The following EYS variants were observed in gnomAD, a reference collection of about 807,000 sequenced individuals.
EYS encodes protein eyes shut homolog.
Under a neutral mutation model 282.1 loss-of-function variants are expected in EYS, and 250 were observed. The observed-to-expected ratio is 0.89, with a 90% CI of 0.80 to 0.98. The LOEUF (loss-of-function observed/expected upper bound fraction) is 0.98, where lower values mean the gene tolerates loss of function less well. Ranked by LOEUF, EYS falls within the 50% of genes least tolerant of loss-of-function variation. The probability of loss-of-function intolerance (pLI) is 0.00; values close to 1 mark genes in which losing one functional copy is unlikely to be tolerated. For synonymous variants in EYS, 1,355 were observed against 1,282.9 expected (o/e 1.06, Z -1.20); for missense variants, 4,016 against 3,709.0 (o/e 1.08, Z -2.15).
At chr6:64,682,084 AT>A (rs1769919544) in intron 22 of EYS, among the ~76,000 whole-genome samples, 1 of 152,182 alleles carries the variant, frequency 6.6e-6, no homozygotes, top group Non-Finnish European at 1.5e-5. Flanking sequence ...GTGGGGCTAT[AT>A]TGCATTCTAC....
At chr6:64,263,298 C>G (rs1767649587) in intron 30 of EYS, among the ~76,000 whole-genome samples, 1 of 152,014 alleles carries the variant, frequency 6.6e-6, no homozygotes, top group Admixed American at 6.6e-5. Flanking sequence ...TAGCTTTCTT[C>G]AGTAAATCCA....
chr6:65,310,271 G>A (rs1250472920), intron 11 of EYS, among the ~76,000 whole-genome samples: 2 of 151,986 alleles, frequency 1.3e-5, no homozygotes, highest in Non-Finnish European at 2.9e-5. Context: ...TTGAACCCAG[G>A]AGGCAGAGGT....
chr6:65,364,927 G>A (rs931398613), intron 8 of EYS, among the ~76,000 whole-genome samples: 2 of 151,804 alleles, frequency 1.3e-5, no homozygotes, highest in South Asian at 4.1e-4. Flanking sequence ...GTGATAGTGT[G>A]TGTCAAACAT....
chr6:65,689,128 C>T (rs111841196), intron 1 of EYS, among the ~76,000 whole-genome samples: 34,241 of 149,706 alleles, frequency 0.23, 5,482 homozygotes, highest in African/African-American at 0.38. Flanking sequence ...CCAACCCAAA[C>T]GTCCAACAAT....
chr6:64,915,428 C>T (rs188338560), intron 15 of EYS, among the ~76,000 whole-genome samples: 4 of 152,184 alleles, frequency 2.6e-5, no homozygotes, highest in Middle Eastern at 6.8e-3. Flanking sequence ...AGTGTTGAAA[C>T]AGATCAACTT....
chr6:65,606,200 TA>T (rs968215116), intron 2 of EYS, among the ~76,000 whole-genome samples: 31 of 149,742 alleles, frequency 2.1e-4, no homozygotes, highest in African/African-American at 7.4e-4. Flanking sequence ...TTACAACCAG[TA>T]TTCAAAAATA....
At chr6:65,672,038 C>T (rs1338463922) in intron 1 of EYS, among the ~76,000 whole-genome samples, 2 of 152,086 alleles carry the variant, frequency 1.3e-5, no homozygotes, top group South Asian at 2.1e-4. Flanking sequence ...ACTTGGCATA[C>T]TGACAGGAAT....
intron 30 of EYS, among the ~76,000 whole-genome samples, chr6:64,235,616 G>A (rs1351974396): frequency 6.6e-6 from 1 of 152,068 alleles, no homozygotes; most frequent in Middle Eastern, 3.2e-3. Context: ...GTAATGGGAT[G>A]GCTGGGTCAA....
chr6:64,154,413 C>T (rs1318972654), intron 31 of EYS, among the ~76,000 whole-genome samples: 4 of 127,760 alleles, frequency 3.1e-5, no homozygotes. Flanking sequence ...GTACTCCAGT[C>T]TGGGCAATAA....
intron 19 of EYS, among the ~76,000 whole-genome samples, chr6:64,837,392 T>C (rs2150032293): frequency 6.6e-6 from 1 of 151,358 alleles, no homozygotes; most frequent in South Asian, 2.1e-4. Flanking sequence ...GGGGGAAAAT[T>C]GAAATCTTTT....
At chr6:65,412,267 T>C (rs914282888) in intron 5 of EYS, among the ~76,000 whole-genome samples, 4 of 152,168 alleles carry the variant, frequency 2.6e-5, no homozygotes, top group Non-Finnish European at 5.9e-5. Flanking sequence ...TAATTTGTTA[T>C]AGTAGCCTAA....
chr6:65,400,646 A>C (rs535740524), intron 7 of EYS, among the ~76,000 whole-genome samples: 41 of 152,064 alleles, frequency 2.7e-4, no homozygotes, highest in African/African-American at 8.4e-4. Flanking sequence ...ACCAAATAAA[A>C]ATTTCCATAA....
intron 2 of EYS, among the ~76,000 whole-genome samples, chr6:65,496,546 T>C (rs1766264829): frequency 6.6e-6 from 1 of 152,082 alleles, no homozygotes; most frequent in Non-Finnish European, 1.5e-5. Flanking sequence ...AGTTATGTTA[T>C]TCATTTGTTT....
chr6:65,280,863 A>ATAT (rs796107628), intron 12 of EYS, among the ~76,000 whole-genome samples: 126 of 134,876 alleles, frequency 9.3e-4, no homozygotes, highest in Middle Eastern at 7.7e-3. Context: ...ACTAAAAAAA[A>ATAT]AAATATATAT....
At chr6:64,737,411 A>G (rs1288766585) in intron 22 of EYS, among the ~76,000 whole-genome samples, 1 of 152,242 alleles carries the variant, frequency 6.6e-6, no homozygotes, top group Non-Finnish European at 1.5e-5. Context: ...CCACGCTTTA[A>G]CCTGGTAGAG....
intron 26 of EYS, among the ~76,000 whole-genome samples, chr6:64,442,960 T>A (rs905221367): frequency 6.6e-6 from 1 of 150,656 alleles, no homozygotes; most frequent in Non-Finnish European, 1.5e-5. Context: ...CTAGTGGAGT[T>A]GTGAGAAGAG....
intron 22 of EYS, among the ~76,000 whole-genome samples, chr6:64,753,851 A>G (rs1772844306): frequency 6.6e-6 from 1 of 152,098 alleles, no homozygotes; most frequent in South Asian, 2.1e-4. Context: ...ACCATATTTT[A>G]GGCCACAAAA....
At chr6:63,936,018 A>G (rs1014970868) in intron 35 of EYS, among the ~76,000 whole-genome samples, 3 of 152,206 alleles carry the variant, frequency 2.0e-5, no homozygotes, top group African/African-American at 7.2e-5. Flanking sequence ...CCAAAGCCAG[A>G]GAACATGTCT....
In EYS at chr6:63,900,568, A is replaced by C. The variant is rs561455162; in HGVS notation, c.7056-36210T>G. Reference sequence around the variant, plus strand: ...GGTCACTCACCTCTCCCCAGCTGACAGAACCTGCACACAGGTGTAGAGGAG... The same window carrying C: ...GGTCACTCACCTCTCCCCAGCTGACCGAACCTGCACACAGGTGTAGAGGAG... On this transcript the variant is annotated intron_variant, in intron 35 of 42. Coordinates refer to ENST00000503581, the MANE Select transcript of EYS (RefSeq NM_001142800.2). Among the ~76,000 whole-genome samples the C allele has an allele frequency of 6.6e-5, 10 of 152,338 alleles. No individual in the cohort carries two copies. In the South Asian group the frequency reaches 2.1e-3, roughly 32 times the overall value.
Sources: allele counts gnomAD v4.1 joint callset (sites outside exome capture counted in the v4.1 genomes callset), GRCh38; gene constraint gnomAD v4.1.1; transcripts MANE v1.5; gene names NCBI Gene and HGNC (gene_info 2026-07-23, HGNC 2026-07-21).